The following SETDB2 variants were observed in gnomAD, a reference collection of about 807,000 sequenced individuals.
SETDB2 encodes histone-lysine N-methyltransferase SETDB2.
A neutral mutation model predicts 82.5 loss-of-function variants in SETDB2; 56 were observed. The ratio of observed to expected loss-of-function variants is 0.68; its 90% confidence interval spans 0.55 to 0.85. The LOEUF is 0.85. Ranked by LOEUF, SETDB2 falls within the 40% of genes least tolerant of loss-of-function variation. SETDB2 has a pLI of 0.00. For missense variants in SETDB2, 677 were observed against 816.4 expected (o/e 0.83, Z 2.08); for synonymous variants, 272 against 284.9 (o/e 0.95, Z 0.46).
At position 49,494,386 on chromosome 13, in the gene SETDB2, T is replaced by A. The variant is rs1958766781; in HGVS notation, c.*2537T>A. 1 of 152,270 alleles carries A rather than the reference T, an allele frequency of 6.6e-6. No homozygotes were observed. The highest frequency in any genetic ancestry group is 1.5e-5 in the Non-Finnish European group (1 of 68,074). 9.4% of individuals were successfully genotyped at this position (152,270 alleles called of 1,614,324 possible). On this transcript the variant is annotated 3_prime_UTR_variant, in exon 14 of 14. Coordinates refer to ENST00000611815, the MANE Select transcript of SETDB2 (RefSeq NM_001160308.3). ...GTGTCCTCCAGGGTTTGTTTCTTTG[T>A]TTCCCCTGTATGTTTGTTTTGGTCG...
intron 4 of SETDB2, among the ~76,000 whole-genome samples, chr13:49,463,093 C>T (rs1026365398): frequency 1.3e-5 from 2 of 152,130 alleles, no homozygotes; most frequent in Non-Finnish European, 2.9e-5. Context: ...GCAACCTCCC[C>T]CTCCCAGGTT....
chr13:49,476,423 A>G (rs1958363183), intron 5 of SETDB2, 53 bp from the exon 6 acceptor site: 1 of 1,190,370 alleles, frequency 8.4e-7, no homozygotes. Context: ...TTTTTTTAAA[A>G]TGAGGAATTG....
chr13:49,459,359 C>T (rs1354434932), intron 2 of SETDB2, among the ~76,000 whole-genome samples: 6 of 152,172 alleles, frequency 3.9e-5, no homozygotes. Context: ...ACTCCAGTGA[C>T]CTTTCTAAAA....
At chr13:49,475,884 A>G (rs1223511166) in intron 5 of SETDB2, among the ~76,000 whole-genome samples, 3 of 152,024 alleles carry the variant, frequency 2.0e-5, no homozygotes, top group Non-Finnish European at 4.4e-5. Context: ...TAGATTACAT[A>G]TTATGGAAAG....
intron 5 of SETDB2, 106 bp downstream of exon 5, chr13:49,468,066 A>G (rs1958153334): frequency 3.1e-6 from 2 of 648,242 alleles, no homozygotes; most frequent in East Asian, 3.2e-5. Flanking sequence ...AATTTTTCCC[A>G]TTAAAGCTTT....
chr13:49,457,215 CT>C (rs573356682), intron 2 of SETDB2, among the ~76,000 whole-genome samples: 238 of 80,988 alleles, frequency 2.9e-3, no homozygotes, highest in Middle Eastern at 0.025. Flanking sequence ...ATTTCTAAGA[CT>C]TTTTTTTTTT....
intron 4 of SETDB2, among the ~76,000 whole-genome samples, chr13:49,462,872 C>G (rs1958024297): frequency 6.6e-6 from 1 of 152,140 alleles, no homozygotes; most frequent in Non-Finnish European, 1.5e-5. Flanking sequence ...AACAGTCTTC[C>G]TTTCACAGTA....
chr13:49,459,796 G>C (rs1957957792), intron 2 of SETDB2: 1 of 184,050 alleles, frequency 5.4e-6, no homozygotes, highest in Non-Finnish European at 1.1e-5. Flanking sequence ...TAAAGTGCAT[G>C]TATAATCTAT....
At chr13:49,468,315 G>C (rs1029309296) in intron 5 of SETDB2, among the ~76,000 whole-genome samples, 3 of 152,088 alleles carry the variant, frequency 2.0e-5, no homozygotes, top group African/African-American at 7.2e-5. Context: ...TTCAGTATCA[G>C]TTGAGTTTTC....
At chr13:49,471,728 A>T (rs951489146) in intron 5 of SETDB2, among the ~76,000 whole-genome samples, 1 of 151,818 alleles carries the variant, frequency 6.6e-6, no homozygotes, top group Non-Finnish European at 1.5e-5. Context: ...AGAACAGAAA[A>T]TGTAACACAG....
chr13:49,479,891 A>G (rs1958444933), intron 6 of SETDB2, among the ~76,000 whole-genome samples: 4 of 152,350 alleles, frequency 2.6e-5, no homozygotes, highest in Admixed American at 6.5e-5. Context: ...ATCCATTGTA[A>G]AAGAGCAGAA....
At chr13:49,489,622 G>A (rs1289615566) in intron 12 of SETDB2, among the ~76,000 whole-genome samples, 18 of 94,436 alleles carry the variant, frequency 1.9e-4, no homozygotes, top group South Asian at 3.6e-4. Context: ...TTTTGAGACC[G>A]AGTCTTGCTC....
intron 6 of SETDB2, 47 bp from the exon 7 acceptor site, chr13:49,480,172 G>A (rs4142285): frequency 0.73 from 911,420 of 1,243,614 alleles, 337,184 homozygotes; most frequent in African/African-American, 0.93. Flanking sequence ...CTCTTGACTT[G>A]ACTTGCTGCT....
chr13:49,485,611 T>C lies in SETDB2; in HGVS notation c.1483-19T>C, dbSNP rs1419022223. On this transcript the variant is annotated intron_variant, in intron 10 of 13. Transcript: ENST00000611815. ...TTGCCTGACCTGGAAAGTAAAGACA[T>C]CTTCCTTGTTTTTTTAAGGAATTTG... 1.9e-6 allele frequency: 3 copies of C among 1,599,740 alleles called. No homozygotes were observed. Among genetic ancestry groups the C allele is most frequent in the Non-Finnish European group, 2.6e-6 (3 of 1,169,652 alleles).
chr13:49,457,558 C>T (rs897763856), intron 2 of SETDB2, among the ~76,000 whole-genome samples: 2 of 151,644 alleles, frequency 1.3e-5, no homozygotes, highest in Admixed American at 1.3e-4. Flanking sequence ...CTCAGCCTCC[C>T]GAGTAGCTGG....
At chr13:49,472,281 C>G (rs1355417160) in intron 5 of SETDB2, among the ~76,000 whole-genome samples, 1 of 152,052 alleles carries the variant, frequency 6.6e-6, no homozygotes, top group African/African-American at 2.4e-5. Flanking sequence ...AAATATGCCC[C>G]CTTAATGGTC....
intron 11 of SETDB2, among the ~76,000 whole-genome samples, chr13:49,488,037 G>A (rs967163): frequency 0.71 from 108,659 of 152,156 alleles, 39,049 homozygotes; most frequent in East Asian, 0.82. Flanking sequence ...GCATTGTTAC[G>A]TAGTAGAAAG....
At chr13:49,474,283 A>G (rs1305025551) in intron 5 of SETDB2, among the ~76,000 whole-genome samples, 1 of 152,158 alleles carries the variant, frequency 6.6e-6, no homozygotes, top group Non-Finnish European at 1.5e-5. Context: ...AAAGATTTCT[A>G]AATAAATTAT....
chr13:49,490,947 G>T (rs9591264), intron 13 of SETDB2, 37 bp downstream of exon 13: 2 of 1,541,450 alleles, frequency 1.3e-6, no homozygotes, highest in Non-Finnish European at 1.8e-6. Context: ...TTCTGAAATT[G>T]TGACTTTAAA....
Sources: allele counts gnomAD v4.1 joint callset (sites outside exome capture counted in the v4.1 genomes callset), GRCh38; gene constraint gnomAD v4.1.1; transcripts MANE v1.5; gene names NCBI Gene and HGNC (gene_info 2026-07-23, HGNC 2026-07-21).